RASSF9: variants seen among roughly 807,000 people sequenced by gnomAD.
RASSF9 encodes Ras association domain family member 9.
RASSF9 carries 18 observed loss-of-function variants against 21.4 expected under a neutral mutation model. The ratio of observed to expected loss-of-function variants is 0.84; its 90% CI spans 0.58 to 1.25. The LOEUF (loss-of-function observed/expected upper bound fraction) is 1.25. Among genes scored for constraint, RASSF9 ranks in the 50% most tolerant of loss-of-function variants. RASSF9 has a pLI of 0.00. For missense variants in RASSF9, 480 were observed against 503.2 expected, an observed-to-expected ratio of 0.95 and a Z score of 0.44; for synonymous variants, 183 against 179.1, an observed-to-expected ratio of 1.02 and a Z score of -0.18.
In RASSF9 at chr12:85,805,352, G is replaced by A. The variant is rs182354370; in HGVS notation, c.658C>T (p.Leu220Phe). 420 of 1,613,458 alleles carry A rather than the reference G, an allele frequency of 2.6e-4. 2 individuals are homozygous for A. Among genetic ancestry groups the A allele is most frequent in the Middle Eastern group, 9.9e-4 (6 of 6,062 alleles). The change falls in exon 2 of 2, where the codon CTT becomes TTT. Residue 220 changes from leucine (L) to phenylalanine (F), a missense_variant. Coordinates refer to ENST00000361228, the MANE Select transcript of RASSF9 (RefSeq NM_005447.4). ...EIEKCEAKFH[L>F]DRVENDGENY... ...TCTCCATCATTTTCTACTCGATCAA[G>A]ATGGAACTTAGCTTCACACTTTTCA...
chr12:85,823,714 G>T (rs1810691490), intron 1 of RASSF9, among the ~76,000 whole-genome samples: 1 of 152,114 alleles, frequency 6.6e-6, no homozygotes. Flanking sequence ...GCTGTTTGAT[G>T]AAAAAGCCTG....
At chr12:85,834,731 C>T (rs2136566239) in intron 1 of RASSF9, among the ~76,000 whole-genome samples, 2 of 151,892 alleles carry the variant, frequency 1.3e-5, no homozygotes, top group Non-Finnish European at 2.9e-5. Flanking sequence ...TAAACAAATG[C>T]CAAAATAATA....
rs569219332 is a variant in RASSF9 at position 85,805,195 on chromosome 12, C to T, written c.815G>A (p.Arg272Gln). 30 of 1,613,814 alleles carry T rather than the reference C, an allele frequency of 1.9e-5. No homozygotes were observed. The East Asian group carries it at 5.1e-4, about 28-fold the overall frequency. Residue 272 changes from arginine to glutamine, a missense_variant, in exon 2 of 2, where the codon CGA (arginine) becomes CAA (glutamine). By Grantham distance (43) the Arg-to-Gln change is conservative. Coordinates refer to ENST00000361228, the MANE Select transcript of RASSF9 (RefSeq NM_005447.4). Reference sequence around the variant, plus strand: ...AATGAGTATTCGGTAATATTTCAGTCGTTCTTCCAGCTGTTCAATTCCATC... The same window carrying T: ...AATGAGTATTCGGTAATATTTCAGTTGTTCTTCCAGCTGTTCAATTCCATC... Reference protein sequence around the residue: ...ESDGIEQLEERLKYYRILIDK... With the variant: ...ESDGIEQLEEQLKYYRILIDK...
At chr12:85,822,793 C>T (rs191918106) in intron 1 of RASSF9, among the ~76,000 whole-genome samples, 1 of 152,136 alleles carries the variant, frequency 6.6e-6, no homozygotes, top group Non-Finnish European at 1.5e-5. Flanking sequence ...ATTAAAAGAA[C>T]CTTCGCTTGA....
intron 1 of RASSF9, among the ~76,000 whole-genome samples, chr12:85,806,397 G>A (rs1285503190): frequency 6.7e-6 from 1 of 150,138 alleles, no homozygotes; most frequent in Non-Finnish European, 1.5e-5. Flanking sequence ...GATTGGCCGG[G>A]TGTGGTGGCT....
rs1312007921 is a variant in RASSF9, at chr12:85,810,416, A to G, written c.48-4454T>C. 2.6e-5 allele frequency among the ~76,000 whole-genome samples: 4 copies of G among 151,948 alleles called. No homozygotes were observed. In the East Asian group the frequency reaches 7.7e-4, roughly 29 times the overall value. ...GTTCTAGCGCTAAATTCCTTATTAC[A>G]TTAGTAGCACCCAGTTGCTAGACTG... On this transcript the variant is annotated intron_variant, in intron 1 of 1. Coordinates refer to ENST00000361228, the MANE Select transcript of RASSF9 (RefSeq NM_005447.4).
Position 85,836,301 on chromosome 12 carries a change from C to T in RASSF9, c.-100G>A. On this transcript the variant is annotated 5_prime_UTR_variant, in exon 1 of 2. Coordinates refer to ENST00000361228, the MANE Select transcript of RASSF9 (RefSeq NM_005447.4). Reference sequence around the variant, plus strand: ...AGGGTGAAGGGAGGAGGGCTGGAAGCTTTCTCTTCTCCTCGGATGTTCCTG... The same window carrying T: ...AGGGTGAAGGGAGGAGGGCTGGAAGTTTTCTCTTCTCCTCGGATGTTCCTG... The T allele has an allele frequency of 7.2e-6, 11 of 1,537,392 alleles. No individual in the cohort carries two copies. Among genetic ancestry groups the T allele is most frequent in the Non-Finnish European group, 9.6e-6 (11 of 1,140,100 alleles).
chr12:85,821,411 C>T (rs1880208498), intron 1 of RASSF9, among the ~76,000 whole-genome samples: 1 of 152,144 alleles, frequency 6.6e-6, no homozygotes, highest in African/African-American at 2.4e-5. Flanking sequence ...ATAAATAATA[C>T]AGCTCTTTTC....
At chr12:85,833,323 C>T (rs139524875) in intron 1 of RASSF9, among the ~76,000 whole-genome samples, 44 of 151,872 alleles carry the variant, frequency 2.9e-4, no homozygotes, top group African/African-American at 9.9e-4. Flanking sequence ...ACTGAATAAA[C>T]AATTGTATTG....
At chr12:85,829,910 C>A (rs1419613868) in intron 1 of RASSF9, among the ~76,000 whole-genome samples, 1 of 152,016 alleles carries the variant, frequency 6.6e-6, no homozygotes, top group Non-Finnish European at 1.5e-5. Flanking sequence ...TAAAAAAGTT[C>A]TTGCATGAAC....
chr12:85,805,399 A>G lies in RASSF9; in HGVS notation c.611T>C (p.Met204Thr). 2 of 1,613,680 alleles carry G rather than the reference A, an allele frequency of 1.2e-6. No homozygotes were observed. The highest frequency in any genetic ancestry group is 1.1e-5 in the South Asian group (1 of 91,064). The stretch of plus-strand genomic sequence containing the variant: ...TTCAATTTCCAGATCCAGCTCTTTC[A>G]TTCTCTTGACTTGCTGATGAATAGT... ...DHTIHQQVKRMKELDLEIEKC... is the reference protein window; with the variant it reads ...DHTIHQQVKRTKELDLEIEKC... Residue 204 changes from methionine to threonine, a missense_variant, in exon 2 of 2, where the codon ATG (methionine) becomes ACG (threonine). Met to Thr is a moderately conservative substitution (Grantham distance 81). Coordinates refer to ENST00000361228, the MANE Select transcript of RASSF9 (RefSeq NM_005447.4).
chr12:85,821,608 GA>G (rs1236635008), intron 1 of RASSF9, among the ~76,000 whole-genome samples: 25 of 151,928 alleles, frequency 1.6e-4, no homozygotes, highest in Non-Finnish European at 2.6e-4. Flanking sequence ...AAAAACAAAA[GA>G]AAAAATTATC....
intron 1 of RASSF9, among the ~76,000 whole-genome samples, chr12:85,808,982 A>G (rs1474139983): frequency 6.6e-6 from 1 of 152,174 alleles, no homozygotes; most frequent in Non-Finnish European, 1.5e-5. Flanking sequence ...AGTAACTATC[A>G]ATCATAAAGT....
At chr12:85,828,763 A>G (rs1880388988) in intron 1 of RASSF9, among the ~76,000 whole-genome samples, 1 of 152,094 alleles carries the variant, frequency 6.6e-6, no homozygotes, top group Non-Finnish European at 1.5e-5. Flanking sequence ...TTTGTGGTCT[A>G]CCTCTGTAAT....
At chr12:85,834,813 T>C (rs1479330362) in intron 1 of RASSF9, among the ~76,000 whole-genome samples, 1 of 152,120 alleles carries the variant, frequency 6.6e-6, no homozygotes, top group African/African-American at 2.4e-5. Flanking sequence ...GGGGAGGCTT[T>C]TCTGGAATAT....
chr12:85,815,107 A>T (rs1399465657), intron 1 of RASSF9, among the ~76,000 whole-genome samples: 2 of 151,998 alleles, frequency 1.3e-5, no homozygotes, highest in East Asian at 3.9e-4. Flanking sequence ...GGTGGCCAAG[A>T]AATTATTTGC....
chr12:85,813,303 C>A (rs977071404), intron 1 of RASSF9, among the ~76,000 whole-genome samples: 9 of 151,804 alleles, frequency 5.9e-5, no homozygotes, highest in African/African-American at 1.7e-4. Flanking sequence ...TAAAATAGTT[C>A]TCCATTGATA....
Position 85,802,440 on chromosome 12 carries a change from C to T in RASSF9, c.*2262G>A, listed in dbSNP as rs1280078138. The stretch of plus-strand genomic sequence containing the variant: ...CAAATACATTTGTATAACTAATGAG[C>T]AAATGGAAATTCTGAAATGAATTTA... On this transcript the variant is annotated 3_prime_UTR_variant, in exon 2 of 2. Transcript: ENST00000361228. 6.6e-6 allele frequency: 1 copy of T among 152,060 alleles called. No individual in the cohort carries two copies. The highest frequency in any genetic ancestry group is 1.9e-4 in the East Asian group (1 of 5,192). 9.4% of individuals were successfully genotyped at this position (152,060 alleles called of 1,614,324 possible). A position where few individuals can be genotyped will look rare whatever the true frequency, so the allele number is the denominator to read the frequency against.
rs1880561306 is a variant in RASSF9, at chr12:85,836,239, G to A, written c.-38C>T. ...AAACGAATAAAGAAATTATCTTAAA[G>A]TGATCTGAGGGTGGGGGTGGGGGTG... is the stretch of plus-strand genomic sequence containing the variant. On this transcript the variant is annotated 5_prime_UTR_variant, in exon 1 of 2. Transcript: ENST00000361228. 7.2e-7 allele frequency: 1 copy of A among 1,389,284 alleles called. No homozygotes were observed. The highest frequency in any genetic ancestry group is 2.6e-5 in the East Asian group (1 of 39,092). 86.1% of individuals were successfully genotyped at this position (1,389,284 alleles called of 1,614,324 possible).
Sources: allele counts gnomAD v4.1 joint callset (sites outside exome capture counted in the v4.1 genomes callset), GRCh38; gene constraint gnomAD v4.1.1; transcripts MANE v1.5; gene names NCBI Gene and HGNC (gene_info 2026-07-23, HGNC 2026-07-21).